GKN2: variants seen among roughly 807,000 people sequenced by gnomAD.
The protein encoded by GKN2 is gastrokine 2.
GKN2 carries 17 observed loss-of-function variants against 22.7 expected under a neutral mutation model. The ratio of observed to expected loss-of-function variants is 0.75; its 90% confidence interval spans 0.51 to 1.13. The LOEUF is 1.13. GKN2 is among the 50% of genes most tolerant of loss of function. The pLI, the probability that GKN2 is intolerant of heterozygous loss-of-function variation, is 0.00. For synonymous variants in GKN2, 82 were observed against 79.6 expected (o/e 1.03, Z -0.16); for missense variants, 248 against 221.4 (o/e 1.12, Z -0.76).
chr2:68,951,166 A>G (rs569109232), intron 1 of GKN2, among the ~76,000 whole-genome samples: 3 of 152,296 alleles, frequency 2.0e-5, no homozygotes, highest in African/African-American at 7.2e-5. Context: ...TTAATTAATT[A>G]ATTAATTTTA....
intron 4 of GKN2, 54 bp downstream of exon 4, chr2:68,947,093 A>G: frequency 9.7e-7 from 1 of 1,031,104 alleles, no homozygotes; most frequent in East Asian, 2.4e-5. Flanking sequence ...CTCCATAAAT[A>G]CCAGTATTGC....
chr2:68,946,152 A>G (rs1199712354), intron 5 of GKN2, 152 bp downstream of exon 5: 1 of 591,192 alleles, frequency 1.7e-6, no homozygotes, highest in African/African-American at 1.9e-5. Flanking sequence ...ATTTAGCACA[A>G]TTTACACACA....
At chr2:68,945,616 C>A in intron 5 of GKN2, 166 bp from the exon 6 acceptor site, 1 of 512,184 alleles carries the variant, frequency 2.0e-6, no homozygotes, top group Non-Finnish European at 3.6e-6. Flanking sequence ...TACCTATGTG[C>A]CTTTATTTAC....
intron 5 of GKN2, 144 bp from the exon 6 acceptor site, chr2:68,945,594 G>T: frequency 1.7e-6 from 1 of 586,208 alleles, no homozygotes; most frequent in South Asian, 2.6e-5. Flanking sequence ...ATGCCATTCT[G>T]TGTCAATGGC....
chr2:68,951,050 C>T (rs948798389), intron 1 of GKN2, among the ~76,000 whole-genome samples: 3 of 152,036 alleles, frequency 2.0e-5, no homozygotes, highest in African/African-American at 4.8e-5. Context: ...AGGAGAAACC[C>T]GGGGCAGATG....
At chr2:68,949,932 GT>G (rs1277260131) in intron 3 of GKN2, among the ~76,000 whole-genome samples, 193 bp downstream of exon 3, 1 of 152,078 alleles carries the variant, frequency 6.6e-6, no homozygotes, top group Non-Finnish European at 1.5e-5. Flanking sequence ...CCTGTCATAT[GT>G]TTTTCTTCAA....
chr2:68,950,916 G>T (rs1199389980), intron 1 of GKN2, among the ~76,000 whole-genome samples, 161 bp from the exon 2 acceptor site: 3 of 152,202 alleles, frequency 2.0e-5, no homozygotes, highest in Non-Finnish European at 4.4e-5. Context: ...CGCACACATT[G>T]ATTGGCTCAC....
At chr2:68,948,974 T>A (rs1573728251) in intron 3 of GKN2, among the ~76,000 whole-genome samples, 1 of 152,206 alleles carries the variant, frequency 6.6e-6, no homozygotes, top group African/African-American at 2.4e-5. Context: ...TTCTAATGAC[T>A]CTATACTTTC....
chr2:68,949,989 A>C (rs1050345137), intron 3 of GKN2, 137 bp downstream of exon 3: 31 of 653,238 alleles, frequency 4.7e-5, no homozygotes, highest in Non-Finnish European at 6.2e-5. Context: ...TTAAAGAGAA[A>C]AGTGAAAGTG....
chr2:68,946,773 A>G (rs186202877), intron 4 of GKN2, among the ~76,000 whole-genome samples: 3,772 of 152,100 alleles, frequency 0.025, 145 homozygotes, highest in African/African-American at 0.086. Flanking sequence ...GTATATGTTC[A>G]CTCAACTGTA....
chr2:68,949,695 C>T (rs1464383099), intron 3 of GKN2, among the ~76,000 whole-genome samples: 5 of 152,204 alleles, frequency 3.3e-5, no homozygotes, highest in African/African-American at 9.6e-5. Flanking sequence ...GCTGGGATTA[C>T]AGGCATGAGC....
chr2:68,950,589 GATTCCATCCCAAATA>G (rs1442931547), intron 2 of GKN2, 98 bp downstream of exon 2: 2 of 906,102 alleles, frequency 2.2e-6, no homozygotes, highest in African/African-American at 3.3e-5. Context: ...TTATTTCTGA[GATTCCATCCCAAATA>G]AGGCATATGG....
intron 3 of GKN2, 116 bp from the exon 4 acceptor site, chr2:68,947,373 G>T: frequency 1.5e-6 from 1 of 661,690 alleles, no homozygotes; most frequent in South Asian, 1.8e-5. Context: ...AATATATGGT[G>T]GGATTGCTCT....
chr2:68,951,912 T>C (rs1669860801), intron 1 of GKN2, among the ~76,000 whole-genome samples: 2 of 152,202 alleles, frequency 1.3e-5, no homozygotes, highest in Non-Finnish European at 2.9e-5. Flanking sequence ...TATATAATAC[T>C]TTTGTGCTTC....
At chr2:68,952,379 A>T (rs1412906736) in intron 1 of GKN2, among the ~76,000 whole-genome samples, 1 of 152,126 alleles carries the variant, frequency 6.6e-6, no homozygotes, top group Non-Finnish European at 1.5e-5. Context: ...ATACTACTCA[A>T]CTCATAGGGT....
rs201258821 is a variant in GKN2, at chr2:68,950,698, T to C, written c.66+4A>G. ...GAGATAAAGTCCATAAGGAACCAAC[T>C]CACCTCGTATCCATGAGATTGTATC... is the stretch of plus-strand genomic sequence containing the variant. On this transcript the variant is annotated splice_donor_region_variant and intron_variant, in intron 2 of 5. Transcript: ENST00000328895. 6.2e-7 allele frequency: 1 copy of C among 1,613,698 alleles called. No homozygotes were observed. The highest frequency in any genetic ancestry group is 1.3e-5 in the African/African-American group (1 of 75,006).
Position 68,950,632 on chromosome 2 carries a change from G to C in GKN2, c.66+70C>G, listed in dbSNP as rs1669841511. 2.9e-6 allele frequency: 4 copies of C among 1,371,928 alleles called. No individual in the cohort carries two copies. The South Asian group carries it at 4.7e-5, about 16-fold the overall frequency. 85.0% of individuals were successfully genotyped at this position (1,371,928 alleles called of 1,614,324 possible). The stretch of plus-strand genomic sequence containing the variant: ...GCATATGGCCTCTCTACTGTCTTCA[G>C]GCTCTCTTGTACCTTCCCTTTCCTC... On this transcript the variant is annotated intron_variant, in intron 2 of 5. Coordinates refer to ENST00000328895, the MANE Select transcript of GKN2 (RefSeq NM_182536.3).
At chr2:68,950,865 G>C (rs1437383327) in intron 1 of GKN2, 110 bp from the exon 2 acceptor site, 8 of 1,069,558 alleles carry the variant, frequency 7.5e-6, no homozygotes, top group Middle Eastern at 2.0e-4. Context: ...TGTACACCTA[G>C]AGACACTGAG....
chr2:68,948,353 T>C (rs1335177592), intron 3 of GKN2, among the ~76,000 whole-genome samples: 1 of 152,200 alleles, frequency 6.6e-6, no homozygotes, highest in Non-Finnish European at 1.5e-5. Context: ...AATGCACTTC[T>C]GTTACAAATT....
Sources: allele counts gnomAD v4.1 joint callset (sites outside exome capture counted in the v4.1 genomes callset), GRCh38; gene constraint gnomAD v4.1.1; transcripts MANE v1.5; gene names NCBI Gene and HGNC (gene_info 2026-07-23, HGNC 2026-07-21).